GRIK4: variants seen among roughly 807,000 people sequenced by gnomAD.
GRIK4 encodes glutamate receptor ionotropic, kainate 4.
A neutral mutation model predicts 104.9 loss-of-function variants in GRIK4; 40 were observed. The observed-to-expected ratio is 0.38, with a 90% CI of 0.30 to 0.50. The LOEUF is 0.50. Among genes scored for constraint, GRIK4 ranks in the 20% least tolerant of loss-of-function variants. The pLI is 0.93. For missense variants in GRIK4, 1,047 were observed against 1,308.1 expected, an observed-to-expected ratio of 0.80 and a Z score of 3.08; for synonymous variants, 485 against 524.9, an observed-to-expected ratio of 0.92 and a Z score of 1.04.
intron 3 of GRIK4, among the ~76,000 whole-genome samples, chr11:120,730,367 A>C (rs1472734796): frequency 6.6e-6 from 1 of 152,132 alleles, no homozygotes; most frequent in Non-Finnish European, 1.5e-5. Context: ...CAAAGAAAGA[A>C]AGGAAAAAAG....
intron 11 of GRIK4, among the ~76,000 whole-genome samples, chr11:120,886,213 C>G (rs1380332407): frequency 6.6e-6 from 1 of 152,240 alleles, no homozygotes; most frequent in Non-Finnish European, 1.5e-5. Context: ...CCAGCTGAGG[C>G]TGAACAAGGC....
chr11:120,514,963 C>T (rs942963507), intron 1 of GRIK4: 31 of 456,554 alleles, frequency 6.8e-5, no homozygotes, highest in Non-Finnish European at 1.1e-4. Flanking sequence ...GCCATCCTGC[C>T]GCTGTGCCTG....
intron 11 of GRIK4, among the ~76,000 whole-genome samples, chr11:120,895,545 C>T (rs566948767): frequency 6.7e-4 from 102 of 152,240 alleles, no homozygotes; most frequent in African/African-American, 2.4e-3. Context: ...TGGAATGGCC[C>T]TAGAAGCCAT....
chr11:120,738,580 A>G (rs1324122834), intron 3 of GRIK4, among the ~76,000 whole-genome samples: 1 of 151,906 alleles, frequency 6.6e-6, no homozygotes, highest in Non-Finnish European at 1.5e-5. Flanking sequence ...TGCTCTGCCC[A>G]GTGCATGATG....
At chr11:120,515,168 G>A in intron 1 of GRIK4, 1 of 394,162 alleles carries the variant, frequency 2.5e-6, no homozygotes, top group Non-Finnish European at 5.1e-6. Flanking sequence ...TCCTCACCCT[G>A]GCCCTTTGCA....
intron 9 of GRIK4, among the ~76,000 whole-genome samples, chr11:120,867,601 G>A (rs746074877): frequency 2.0e-5 from 3 of 151,868 alleles, no homozygotes; most frequent in South Asian, 2.1e-4. Context: ...CTCACCTTCC[G>A]GGTCGGGCCT....
chr11:120,849,940 G>A (rs1953937134), intron 8 of GRIK4, among the ~76,000 whole-genome samples: 1 of 152,172 alleles, frequency 6.6e-6, no homozygotes, highest in South Asian at 2.1e-4. Flanking sequence ...TTCATCTGGA[G>A]CACAAGGTCC....
intron 3 of GRIK4, among the ~76,000 whole-genome samples, chr11:120,739,483 A>G (rs1356886300): frequency 1.3e-5 from 2 of 152,172 alleles, no homozygotes; most frequent in Non-Finnish European, 2.9e-5. Flanking sequence ...GAGAGTCTGT[A>G]CATTAGGACT....
At chr11:120,538,901 A>C (rs1445550594) in intron 1 of GRIK4, among the ~76,000 whole-genome samples, 1 of 152,224 alleles carries the variant, frequency 6.6e-6, no homozygotes, top group African/African-American at 2.4e-5. Flanking sequence ...GAGAAGGCCT[A>C]GTGTCCTTGC....
At chr11:120,830,209 GAC>G (rs1258838130) in intron 6 of GRIK4, among the ~76,000 whole-genome samples, 2 of 149,448 alleles carry the variant, frequency 1.3e-5, no homozygotes, top group African/African-American at 4.9e-5. Flanking sequence ...AAAAAGCACA[GAC>G]ACACAACCAG....
At chr11:120,869,952 C>T (rs891405773) in intron 9 of GRIK4, 3 of 152,304 alleles carry the variant, frequency 2.0e-5, no homozygotes, top group Non-Finnish European at 4.4e-5. Context: ...TCTTTTCCAT[C>T]TCTGCTGTGT....
At chr11:120,545,521 C>T (rs912542528) in intron 1 of GRIK4, among the ~76,000 whole-genome samples, 19 of 152,142 alleles carry the variant, frequency 1.2e-4, no homozygotes, top group Admixed American at 8.5e-4. Context: ...TTTTGACGTA[C>T]GATTATTATT....
chr11:120,851,788 G>C (rs1039353447), intron 8 of GRIK4, among the ~76,000 whole-genome samples: 1 of 152,128 alleles, frequency 6.6e-6, no homozygotes, highest in Non-Finnish European at 1.5e-5. Flanking sequence ...AGTCCTTGTG[G>C]AGAACCCATT....
In GRIK4 at chr11:120,872,540, G is replaced by C. The variant is rs146990800; in HGVS notation, c.907-1526G>C. The C allele has an allele frequency of 1.0e-3, 153 of 153,434 alleles. No individual in the cohort carries two copies. The East Asian group carries it at 0.021, about 21-fold the overall frequency. 9.5% of individuals were successfully genotyped at this position (153,434 alleles called of 1,614,324 possible). The stretch of plus-strand genomic sequence containing the variant: ...TGGGACCCTCACAAGGATGCCATCA[G>C]TTGAAAGAGGAGGCTCGGAAGGGGC... On this transcript the variant is annotated intron_variant, in intron 9 of 20. Coordinates refer to ENST00000527524, the MANE Select transcript of GRIK4 (RefSeq NM_014619.5).
At chr11:120,790,514 C>G (rs1426389874) in intron 3 of GRIK4, among the ~76,000 whole-genome samples, 2 of 151,946 alleles carry the variant, frequency 1.3e-5, no homozygotes, top group African/African-American at 4.8e-5. Context: ...GAAGAGACCA[C>G]CTGAACAAAA....
intron 3 of GRIK4, among the ~76,000 whole-genome samples, chr11:120,695,159 C>A (rs1320504918): frequency 6.6e-6 from 1 of 152,214 alleles, no homozygotes; most frequent in Non-Finnish European, 1.5e-5. Context: ...AGCCTTGGGA[C>A]CCAGGAGCAT....
intron 6 of GRIK4, among the ~76,000 whole-genome samples, chr11:120,825,750 A>G (rs1490842466): frequency 6.6e-6 from 1 of 152,246 alleles, no homozygotes; most frequent in Non-Finnish European, 1.5e-5. Context: ...GTTTCCTCCC[A>G]TGTAACAAGA....
At chr11:120,749,662 A>G (rs1250142249) in intron 3 of GRIK4, among the ~76,000 whole-genome samples, 1 of 152,178 alleles carries the variant, frequency 6.6e-6, no homozygotes, top group Non-Finnish European at 1.5e-5. Context: ...GAGAGGACAG[A>G]CAGCAGGAAG....
intron 3 of GRIK4, among the ~76,000 whole-genome samples, chr11:120,781,777 GA>G (rs1476110390): frequency 6.6e-6 from 1 of 152,180 alleles, no homozygotes; most frequent in African/African-American, 2.4e-5. Flanking sequence ...TCAGGTTCAG[GA>G]CTTTGGGCTA....
Sources: gnomAD v4.1 joint callset for allele counts (sites outside exome capture counted in the v4.1 genomes callset) on GRCh38, gnomAD v4.1.1 for gene constraint, MANE v1.5 for transcripts, NCBI Gene and HGNC (gene_info 2026-07-23, HGNC 2026-07-21) for gene names.